MARCHF1: variants seen among roughly 807,000 people sequenced by gnomAD.
MARCHF1 encodes E3 ubiquitin-protein ligase MARCHF1.
MARCHF1 carries 40 observed loss-of-function variants against 54.2 expected under a neutral mutation model. The ratio of observed to expected loss-of-function variants is 0.74; its 90% CI spans 0.57 to 0.96. The LOEUF is 0.96. Ranked by LOEUF, MARCHF1 falls within the 40% of genes least tolerant of loss-of-function variation. MARCHF1 has a pLI of 0.00. For synonymous variants in MARCHF1, 236 were observed against 236.3 expected (o/e 1.00, Z 0.01); for missense variants, 586 against 656.5 (o/e 0.89, Z 1.17).
chr4:163,640,031 A>G (rs923523130), intron 5 of MARCHF1, among the ~76,000 whole-genome samples: 1 of 152,130 alleles, frequency 6.6e-6, no homozygotes, highest in Non-Finnish European at 1.5e-5. Context: ...CAGTGCTTGC[A>G]GAATAGGAAT....
intron 1 of MARCHF1, among the ~76,000 whole-genome samples, chr4:164,327,546 C>T (rs1328840558): frequency 1.3e-5 from 2 of 152,088 alleles, no homozygotes; most frequent in Non-Finnish European, 1.5e-5. Context: ...GGAATTTGAA[C>T]ATGACCCTAA....
intron 4 of MARCHF1, among the ~76,000 whole-genome samples, chr4:163,756,738 T>G (rs1304581062): frequency 2.0e-5 from 3 of 149,064 alleles, no homozygotes; most frequent in Non-Finnish European, 4.4e-5. Flanking sequence ...CTGAGAATAA[T>G]AAAGTAAAAT....
At chr4:163,741,582 CAA>C (rs71600636) in intron 4 of MARCHF1, among the ~76,000 whole-genome samples, 3 of 126,668 alleles carry the variant, frequency 2.4e-5, no homozygotes, top group Admixed American at 8.1e-5. Flanking sequence ...GACTCTGTCT[CAA>C]AAAAAAAAAA....
chr4:163,909,091 T>C (rs1751133580), intron 3 of MARCHF1, among the ~76,000 whole-genome samples: 1 of 152,178 alleles, frequency 6.6e-6, no homozygotes, highest in Non-Finnish European at 1.5e-5. Context: ...GTGGAACTTT[T>C]AGGATTAAAA....
intron 3 of MARCHF1, among the ~76,000 whole-genome samples, chr4:163,864,587 A>T (rs1750011423): frequency 6.6e-6 from 1 of 152,012 alleles, no homozygotes; most frequent in Non-Finnish European, 1.5e-5. Context: ...AATTGTAATA[A>T]ATATGTACCC....
rs1458808271 is a variant in MARCHF1, at chr4:164,144,998, C to T, written c.-322-33336G>A. ...AAAATGATAAAGGGGATATCACCAC[C>T]GATCCCACAGAAATACGAACTACCG... On this transcript the variant is annotated intron_variant, in intron 1 of 9. Transcript: ENST00000514618. 1.9e-4 allele frequency among the ~76,000 whole-genome samples: 26 copies of T among 133,612 alleles called. 1 individual carries two copies. In the South Asian group the frequency reaches 2.2e-3, roughly 11 times the overall value. The allele number at this position is 133,612 out of a possible 152,430, so 87.7% of individuals were successfully genotyped here. A position where few individuals can be genotyped will look rare whatever the true frequency, so the allele number is the denominator to read the frequency against.
intron 8 of MARCHF1, among the ~76,000 whole-genome samples, chr4:163,556,678 A>G (rs1400173914): frequency 6.6e-6 from 1 of 152,050 alleles, no homozygotes; most frequent in Admixed American, 6.5e-5. Flanking sequence ...AGTTTAAATG[A>G]GAGCCTGTGA....
At chr4:163,954,663 C>T (rs1055174177) in intron 3 of MARCHF1, among the ~76,000 whole-genome samples, 7 of 152,084 alleles carry the variant, frequency 4.6e-5, no homozygotes, top group Admixed American at 3.9e-4. Context: ...ATCTAATAGA[C>T]AAAGTTTAAA....
intron 1 of MARCHF1, among the ~76,000 whole-genome samples, chr4:164,312,257 G>A (rs923785965): frequency 2.0e-5 from 3 of 151,230 alleles, no homozygotes; most frequent in African/African-American, 4.9e-5. Context: ...AGAATTGCAC[G>A]TAAAGCAACT....
At chr4:164,018,644 A>C (rs1753596735) in intron 2 of MARCHF1, among the ~76,000 whole-genome samples, 1 of 152,158 alleles carries the variant, frequency 6.6e-6, no homozygotes, top group Non-Finnish European at 1.5e-5. Flanking sequence ...ATAACCCATT[A>C]GTAAAACATA....
intron 5 of MARCHF1, among the ~76,000 whole-genome samples, chr4:163,624,552 T>C (rs1444709208): frequency 6.6e-6 from 1 of 152,210 alleles, no homozygotes; most frequent in East Asian, 1.9e-4. Context: ...TCTGCTTCTG[T>C]GAGCACATAA....
chr4:163,631,136 T>TA (rs1373011539), intron 5 of MARCHF1, among the ~76,000 whole-genome samples: 3 of 152,162 alleles, frequency 2.0e-5, no homozygotes, highest in Non-Finnish European at 4.4e-5. Context: ...ATATTAGGTA[T>TA]ATCTTAAACT....
At chr4:163,548,913 G>A (rs779201555) in intron 8 of MARCHF1, among the ~76,000 whole-genome samples, 3 of 152,210 alleles carry the variant, frequency 2.0e-5, no homozygotes, top group Non-Finnish European at 4.4e-5. Context: ...CTGAAATTCA[G>A]TGGCAGTTCA....
chr4:164,150,393 C>A (rs1729898331), intron 1 of MARCHF1, among the ~76,000 whole-genome samples: 1 of 152,166 alleles, frequency 6.6e-6, no homozygotes, highest in Admixed American at 6.6e-5. Flanking sequence ...ATAAACCCCT[C>A]TTTGAGACTT....
chr4:163,710,698 T>C (rs987237730), intron 4 of MARCHF1, among the ~76,000 whole-genome samples: 4 of 151,868 alleles, frequency 2.6e-5, no homozygotes, highest in African/African-American at 9.7e-5. Flanking sequence ...AAAAGAAAAA[T>C]AATATAGTAA....
intron 5 of MARCHF1, among the ~76,000 whole-genome samples, chr4:163,640,719 G>A (rs1324143069): frequency 6.6e-6 from 1 of 152,078 alleles, no homozygotes; most frequent in African/African-American, 2.4e-5. Context: ...CCAACTTCAT[G>A]CCTAAGTGAC....
intron 1 of MARCHF1, among the ~76,000 whole-genome samples, chr4:164,264,813 G>C (rs1733564047): frequency 6.6e-6 from 1 of 151,880 alleles, no homozygotes; most frequent in South Asian, 2.1e-4. Context: ...TCAGCTACTA[G>C]GGAGGCTGAG....
At chr4:164,159,169 T>C (rs1579582719) in intron 1 of MARCHF1, among the ~76,000 whole-genome samples, 1 of 152,190 alleles carries the variant, frequency 6.6e-6, no homozygotes, top group South Asian at 2.1e-4. Context: ...TAATTAATGT[T>C]TTAAGGCTAA....
In MARCHF1 at chr4:164,271,895, A is replaced by G. The variant is rs182857889; in HGVS notation, c.-323+111975T>C. Among the ~76,000 whole-genome samples, 390 of 152,278 alleles carry G rather than the reference A, an allele frequency of 2.6e-3. 5 individuals are homozygous for G. Among genetic ancestry groups the G allele is most frequent in the African/African-American group, 9.0e-3 (374 of 41,572 alleles). On this transcript the variant is annotated intron_variant, in intron 1 of 9. Coordinates refer to ENST00000514618, the MANE Select transcript of MARCHF1 (RefSeq NM_001394959.1). ...AAACTGTAATACTTGCAACATATAT[A>G]TGAGTGAATAAATATACATTTAGAA...
Sources: gnomAD v4.1 joint callset for allele counts (sites outside exome capture counted in the v4.1 genomes callset) on GRCh38, gnomAD v4.1.1 for gene constraint, MANE v1.5 for transcripts, NCBI Gene and HGNC (gene_info 2026-07-23, HGNC 2026-07-21) for gene names.